MMS22L: variants seen among roughly 807,000 people sequenced by gnomAD.
MMS22L encodes protein MMS22-like.
Under a neutral mutation model 159.1 loss-of-function variants are expected in MMS22L, and 74 were observed. The ratio of observed to expected loss-of-function variants is 0.47; its 90% CI spans 0.39 to 0.56. The LOEUF is 0.56. MMS22L is among the 20% of genes least tolerant of loss of function. MMS22L has a pLI of 0.00. For missense variants in MMS22L, 1,351 were observed against 1,422.1 expected (o/e 0.95, Z 0.80); for synonymous variants, 517 against 506.9 (o/e 1.02, Z -0.27).
intron 9 of MMS22L, chr6:97,261,803 T>C (rs1214912929): frequency 6.6e-6 from 1 of 152,204 alleles, no homozygotes; most frequent in Non-Finnish European, 1.5e-5. Flanking sequence ...CAGAATTCAA[T>C]GCCTTGAAAT....
intron 14 of MMS22L, among the ~76,000 whole-genome samples, chr6:97,223,047 G>A (rs7744255): frequency 0.64 from 97,946 of 151,946 alleles, 33,085 homozygotes; most frequent in Non-Finnish European, 0.76. Context: ...ACATAACCAA[G>A]TCAGTATTTT....
intron 14 of MMS22L, among the ~76,000 whole-genome samples, chr6:97,202,476 T>C (rs1289047432): frequency 6.6e-6 from 1 of 152,214 alleles, no homozygotes; most frequent in African/African-American, 2.4e-5. Flanking sequence ...CCTATGCATA[T>C]AATCTTCAAT....
intron 17 of MMS22L, 90 bp from the exon 18 acceptor site, chr6:97,178,675 G>A (rs1359232196): frequency 6.7e-6 from 4 of 597,526 alleles, no homozygotes; most frequent in Non-Finnish European, 8.0e-6. Context: ...ATGTATATAT[G>A]AGAAGTAATA....
At position 97,272,712 on chromosome 6, in the gene MMS22L, G is replaced by T; in HGVS notation, c.598C>A (p.Gln200Lys). ...VNIGAFVNQN[Q>K]IKLFPPSWHL... ...AATGAAACAAGTCAAACCTTAATCT[G>T]GTTTTGATTTACAAATGCTCCTATA... Residue 200 changes from glutamine to lysine, a missense_variant, in exon 6 of 25, where the codon CAG becomes AAG. Physicochemically the swap from Gln to Lys is moderately conservative, Grantham distance 53. Transcript: ENST00000683635. 1 of 1,608,072 alleles carries T rather than the reference G, an allele frequency of 6.2e-7. No homozygotes were observed. The highest frequency in any genetic ancestry group is 8.5e-7 in the Non-Finnish European group (1 of 1,177,972).
chr6:97,227,236 T>G (rs1441244708), intron 14 of MMS22L, among the ~76,000 whole-genome samples: 1 of 152,188 alleles, frequency 6.6e-6, no homozygotes, highest in Non-Finnish European at 1.5e-5. Context: ...AGGACTTATC[T>G]ATTTTCAGAA....
chr6:97,256,898 G>C (rs542568634), intron 9 of MMS22L, among the ~76,000 whole-genome samples: 125 of 152,248 alleles, frequency 8.2e-4, no homozygotes, highest in African/African-American at 2.9e-3. Context: ...AGTGAGCTGT[G>C]ACCACACTAC....
Position 97,254,579 on chromosome 6 carries a change from C to T in MMS22L, c.1097G>A (p.Arg366His), listed in dbSNP as rs769544544. 1.5e-5 allele frequency: 25 copies of T among 1,612,924 alleles called. No homozygotes were observed. The highest frequency in any genetic ancestry group is 5.5e-5 in the South Asian group (5 of 90,906). ...THVASFYKFDRHGVPDEMRKV... is the reference protein window; with the variant it reads ...THVASFYKFDHHGVPDEMRKV... ...TACCATTTCATCTGGTACTCCATGG[C>T]GATCAAACTTGTAAAATGATGCTAC... Residue 366 changes from arginine (R) to histidine (H), a missense_variant, in exon 10 of 25, where the codon CGC becomes CAC. Transcript: ENST00000683635.
chr6:97,180,520 C>A (rs1016077511), intron 16 of MMS22L, among the ~76,000 whole-genome samples: 2 of 151,982 alleles, frequency 1.3e-5, no homozygotes, highest in Non-Finnish European at 2.9e-5. Context: ...AACCACAAAT[C>A]TAAAAATGTT....
At chr6:97,270,274 T>C in intron 6 of MMS22L, 1 of 551,618 alleles carries the variant, frequency 1.8e-6, no homozygotes. Context: ...AACCTCTGAT[T>C]CTACTACAGC....
intron 6 of MMS22L, chr6:97,270,256 T>G: frequency 1.8e-6 from 1 of 567,186 alleles, no homozygotes; most frequent in Non-Finnish European, 3.3e-6. Context: ...TAAAGGTACC[T>G]TCCAACCAAC....
At chr6:97,151,975 T>G in intron 22 of MMS22L, 108 bp from the exon 23 acceptor site, 1 of 764,060 alleles carries the variant, frequency 1.3e-6, no homozygotes, top group Admixed American at 2.6e-5. Context: ...TCTTAAAGTA[T>G]GTACATCCTT....
At chr6:97,257,003 T>C (rs1311594629) in intron 9 of MMS22L, among the ~76,000 whole-genome samples, 1 of 152,172 alleles carries the variant, frequency 6.6e-6, no homozygotes, top group Non-Finnish European at 1.5e-5. Context: ...TTTAAATTTC[T>C]TCTCTTTGTC....
chr6:97,154,344 T>A (rs1010111037), intron 22 of MMS22L, among the ~76,000 whole-genome samples: 3 of 152,180 alleles, frequency 2.0e-5, no homozygotes, highest in Admixed American at 2.0e-4. Context: ...TATTTATATA[T>A]TATAGATGCA....
At chr6:97,245,890 C>T (rs1812582087) in intron 11 of MMS22L, 3 of 121,172 alleles carry the variant, frequency 2.5e-5, no homozygotes, top group South Asian at 1.0e-4. Context: ...CACACACACA[C>T]ATATAAAGCA....
At chr6:97,232,774 C>T (rs1173615637) in intron 12 of MMS22L, among the ~76,000 whole-genome samples, 1 of 152,026 alleles carries the variant, frequency 6.6e-6, no homozygotes, top group Non-Finnish European at 1.5e-5. Context: ...TTAATAAGCT[C>T]CATTATCCAC....
At chr6:97,261,165 C>A (rs1209409161) in intron 9 of MMS22L, 2 of 152,124 alleles carry the variant, frequency 1.3e-5, no homozygotes, top group Non-Finnish European at 2.9e-5. Flanking sequence ...CTCAGACTGC[C>A]CTGCCTTGCT....
intron 14 of MMS22L, among the ~76,000 whole-genome samples, chr6:97,196,288 CT>C (rs1179396959): frequency 6.6e-6 from 1 of 151,958 alleles, no homozygotes; most frequent in Non-Finnish European, 1.5e-5. Context: ...ATGCCATTAC[CT>C]GTTACAGAAG....
rs114038027 is a variant in MMS22L, at chr6:97,172,737, G to A, written c.2839+326C>T. ...TTTTTAATTCTAACAATAGATAAGC[G>A]TTTTTTTAAAAAAGGTCCATTCTAG... On this transcript the variant is annotated intron_variant, in intron 19 of 24. Transcript: ENST00000683635. Among the ~76,000 whole-genome samples, 244 of 151,994 alleles carry A rather than the reference G, an allele frequency of 1.6e-3. 1 individual carries two copies. Among genetic ancestry groups the A allele is most frequent in the African/African-American group, 4.9e-3 (202 of 41,476 alleles).
At chr6:97,234,208 C>A (rs925994442) in intron 11 of MMS22L, among the ~76,000 whole-genome samples, 2 of 152,068 alleles carry the variant, frequency 1.3e-5, no homozygotes, top group African/African-American at 4.8e-5. Flanking sequence ...TCACATAACT[C>A]GACTTTTAAT....
Sources: gnomAD v4.1 joint callset for allele counts (sites outside exome capture counted in the v4.1 genomes callset) on GRCh38, gnomAD v4.1.1 for gene constraint, MANE v1.5 for transcripts, NCBI Gene and HGNC (gene_info 2026-07-23, HGNC 2026-07-21) for gene names.